FBXL20: variants seen among roughly 807,000 people sequenced by gnomAD.
FBXL20 encodes the protein F-box and leucine rich repeat protein 20.
Under a neutral mutation model 64.0 loss-of-function variants are expected in FBXL20, and 11 were observed. The ratio of observed to expected loss-of-function variants is 0.17; its 90% CI spans 0.11 to 0.28. FBXL20 has a LOEUF of 0.28. FBXL20 is among the 10% of genes least tolerant of loss of function. The pLI is 1.00. For synonymous variants in FBXL20, 184 were observed against 189.0 expected, an observed-to-expected ratio of 0.97 and a Z score of 0.22; for missense variants, 303 against 526.2, an observed-to-expected ratio of 0.58 and a Z score of 4.15.
intron 6 of FBXL20, among the ~76,000 whole-genome samples, chr17:39,295,269 A>C (rs1313732399): frequency 6.6e-6 from 1 of 152,120 alleles, no homozygotes; most frequent in Non-Finnish European, 1.5e-5. Context: ...ACTTGGGTTC[A>C]AGGGGTTTTT....
chr17:39,402,280 G>A, upstream of FBXL20: 1 of 1,163,994 alleles, frequency 8.6e-7, no homozygotes, highest in Non-Finnish European at 1.1e-6. Flanking sequence ...GCGCCTCCGC[G>A]GTTGCCGCCG....
At chr17:39,401,245 G>A in intron 1 of FBXL20, 116 bp downstream of exon 1, 2 of 1,575,026 alleles carry the variant, frequency 1.3e-6, no homozygotes, top group South Asian at 2.3e-5. Context: ...TGGCAGCCCC[G>A]CCAGTGGGTG....
At chr17:39,303,743 G>C (rs1312285513) in intron 2 of FBXL20, 104 bp from the exon 3 acceptor site, 1 of 1,029,748 alleles carries the variant, frequency 9.7e-7, no homozygotes, top group East Asian at 2.7e-5. Context: ...CTGGAGAGCA[G>C]TGGCATAATC....
chr17:39,358,498 C>T (rs2047763159), intron 1 of FBXL20, among the ~76,000 whole-genome samples: 1 of 152,110 alleles, frequency 6.6e-6, no homozygotes, highest in Non-Finnish European at 1.5e-5. Flanking sequence ...GCCTGGCCAA[C>T]ATGGCGAAAC....
chr17:39,360,193 A>G (rs1053497267), intron 1 of FBXL20, among the ~76,000 whole-genome samples: 2 of 152,180 alleles, frequency 1.3e-5, no homozygotes, highest in African/African-American at 4.8e-5. Context: ...TGAAATTCAT[A>G]AGAGAAAGGA....
chr17:39,306,084 G>A (rs936209320), intron 2 of FBXL20, among the ~76,000 whole-genome samples: 1 of 151,836 alleles, frequency 6.6e-6, no homozygotes, highest in Non-Finnish European at 1.5e-5. Context: ...AGGATCTATT[G>A]TGTTCAGTTT....
At position 39,299,049 on chromosome 17, in the gene FBXL20, C is replaced by A; in HGVS notation, c.270G>T (p.Gly90=). 6.2e-7 allele frequency: 1 copy of A among 1,613,784 alleles called. No individual in the cohort carries two copies. Among genetic ancestry groups the A allele is most frequent in the South Asian group, 1.1e-5 (1 of 91,020 alleles). The change falls in exon 5 of 15, where the codon GGG becomes GGT. Residue 90 remains glycine, a synonymous_variant. Coordinates refer to ENST00000264658, the MANE Select transcript of FBXL20 (RefSeq NM_032875.3). ...RVVENISKRC[G]GFLRKLSLRG... is the part of the protein sequence containing the mutation. ...GAAGACTTAACTTTCGTAAAAAGCC[C>A]CCACATCGTTTTGAAATATTCTCCA...
Position 39,301,218 on chromosome 17 carries a change from ATG to A in FBXL20, c.160-145_160-144del. ...GGCCCTATCCACTTACTCCCAAATG[ATG>A]TGTCTTACTCCTGACCCATATTGTA... On this transcript the variant is annotated intron_variant, in intron 3 of 14. Coordinates refer to ENST00000264658, the MANE Select transcript of FBXL20 (RefSeq NM_032875.3). 12 of 668,508 alleles carry A rather than the reference ATG, an allele frequency of 1.8e-5. No individual in the cohort carries two copies. In the South Asian group the frequency reaches 2.1e-4, roughly 12 times the overall value. The allele number at this position is 668,508 out of a possible 1,614,324, so 41.4% of individuals were successfully genotyped here.
Position 39,356,357 on chromosome 17 carries a change from A to G in FBXL20, c.43-13116T>C, listed in dbSNP as rs1328707234. On this transcript the variant is annotated intron_variant, in intron 1 of 14. Coordinates refer to ENST00000264658, the MANE Select transcript of FBXL20 (RefSeq NM_032875.3). ...CATGCAGATATACAATTGTTTCACCACCATCTGTTTTGTTTTGAGACAGGG... is the reference window on the plus strand; with the variant it reads ...CATGCAGATATACAATTGTTTCACCGCCATCTGTTTTGTTTTGAGACAGGG... Among the ~76,000 whole-genome samples the G allele has an allele frequency of 4.6e-5, 7 of 152,052 alleles. No homozygotes were observed. The East Asian group carries it at 1.4e-3, about 29-fold the overall frequency.
At position 39,346,579 on chromosome 17, in the gene FBXL20, G is replaced by T. The variant is rs189633960; in HGVS notation, c.43-3338C>A. On this transcript the variant is annotated intron_variant, in intron 1 of 14. Coordinates refer to ENST00000264658, the MANE Select transcript of FBXL20 (RefSeq NM_032875.3). Reference sequence around the variant, plus strand: ...ATTAACAGGGACAGTGAAATGAAAAGAAACTGGAACAAAGATTGTTAAAAA... The same window carrying T: ...ATTAACAGGGACAGTGAAATGAAAATAAACTGGAACAAAGATTGTTAAAAA... Among the ~76,000 whole-genome samples the T allele has an allele frequency of 6.6e-5, 10 of 152,134 alleles. No homozygotes were observed. The East Asian group carries it at 1.9e-3, about 29-fold the overall frequency.
chr17:39,346,552 A>G (rs1425481015), intron 1 of FBXL20, among the ~76,000 whole-genome samples: 1 of 152,166 alleles, frequency 6.6e-6, no homozygotes, highest in Non-Finnish European at 1.5e-5. Context: ...GTTGTCTGTA[A>G]GATTAACAGG....
Position 39,322,064 on chromosome 17 carries a change from G to A in FBXL20, c.105-18425C>T, listed in dbSNP as rs191699989. ...AACCACAAGACCAAATGCCTAGGCC[G>A]AGCATGGTGGCTCATGCCTGGAAGG... On this transcript the variant is annotated intron_variant, in intron 2 of 14. Coordinates refer to ENST00000264658, the MANE Select transcript of FBXL20 (RefSeq NM_032875.3). 7.9e-4 allele frequency among the ~76,000 whole-genome samples: 119 copies of A among 150,818 alleles called. No individual in the cohort carries two copies. The Middle Eastern group carries it at 0.014, about 18-fold the overall frequency.
Position 39,368,153 on chromosome 17 carries a change from C to T in FBXL20, c.43-24912G>A, listed in dbSNP as rs902190752. The stretch of plus-strand genomic sequence containing the variant: ...CCTATAATCTCAACACTTTGGGAGG[C>T]CAAGGTAGGAGAATCACTTGAGGCC... On this transcript the variant is annotated intron_variant, in intron 1 of 14. Coordinates refer to ENST00000264658, the MANE Select transcript of FBXL20 (RefSeq NM_032875.3). Among the ~76,000 whole-genome samples, 3 of 152,096 alleles carry T rather than the reference C, an allele frequency of 2.0e-5. No individual in the cohort carries two copies. In the East Asian group the frequency reaches 5.8e-4, roughly 29 times the overall value.
At chr17:39,393,336 C>T (rs1465298508) in intron 1 of FBXL20, among the ~76,000 whole-genome samples, 2 of 151,898 alleles carry the variant, frequency 1.3e-5, no homozygotes, top group Admixed American at 1.3e-4. Flanking sequence ...AATAAATAAA[C>T]TGAGAACGCT....
chr17:39,292,149 G>A (rs77222571), intron 6 of FBXL20, among the ~76,000 whole-genome samples: 1 of 150,636 alleles, frequency 6.6e-6, no homozygotes, highest in Non-Finnish European at 1.5e-5. Flanking sequence ...TAGTGTTGCT[G>A]AAGTCCTTAA....
chr17:39,338,858 C>T (rs2144561287), intron 2 of FBXL20, among the ~76,000 whole-genome samples: 1 of 152,266 alleles, frequency 6.6e-6, no homozygotes, highest in East Asian at 1.9e-4. Context: ...TATTTTAAAA[C>T]TGACCAATAT....
chr17:39,356,613 C>A (rs1377327385), intron 1 of FBXL20, among the ~76,000 whole-genome samples: 1 of 152,034 alleles, frequency 6.6e-6, no homozygotes, highest in African/African-American at 2.4e-5. Flanking sequence ...GCCTTGGCCT[C>A]CCAGGCGGCT....
chr17:39,402,477 C>T, upstream of FBXL20: 1 of 193,724 alleles, frequency 5.2e-6, no homozygotes, highest in East Asian at 1.1e-4. Context: ...CACCTGAGGC[C>T]GGGGGTCGGG....
chr17:39,325,598 A>G (rs1166886470), intron 2 of FBXL20, among the ~76,000 whole-genome samples: 1 of 152,196 alleles, frequency 6.6e-6, no homozygotes, highest in African/African-American at 2.4e-5. Context: ...AACATTTAGA[A>G]AATGGATAGA....
Sources: gnomAD v4.1 joint callset for allele counts (sites outside exome capture counted in the v4.1 genomes callset) on GRCh38, gnomAD v4.1.1 for gene constraint, MANE v1.5 for transcripts, NCBI Gene and HGNC (gene_info 2026-07-23, HGNC 2026-07-21) for gene names.